Variants in ERVK3-1 observed in about 807,000 individuals in gnomAD.
ERVK3-1 encodes endogenous retrovirus group K3 member 1.
At position 58,313,074 on chromosome 19, in the gene ERVK3-1, T is replaced by C. The variant is rs1009990643; in HGVS notation, c.294+612T>C. 5 of 152,244 alleles carry C rather than the reference T, an allele frequency of 3.3e-5. No homozygotes were observed. Among genetic ancestry groups the C allele is most frequent in the African/African-American group, 1.2e-4 (5 of 41,452 alleles). The allele number at this position is 152,244 out of a possible 1,614,324, so 9.4% of individuals were successfully genotyped here. ...AGTTGGCTGCACAACTTGCTTGGTA[T>C]AGGACAGGCTTTAACCCGCCCTTAC... is the stretch of plus-strand genomic sequence containing the variant. On this transcript the variant is annotated intron_variant, in intron 3 of 3. Coordinates refer to ENST00000413518, the Ensembl canonical transcript of ERVK3-1. This position sits in a 1 kb window ranked among gnomAD's most constrained non-coding sequence, Gnocchi z 4.5.
At chr19:58,316,754 T>C (rs1404929037), downstream of ERVK3-1, among the ~76,000 whole-genome samples, 4 of 152,210 alleles carry the variant, frequency 2.6e-5, no homozygotes, top group African/African-American at 9.7e-5. Flanking sequence ...AAGGTACCTA[T>C]CTAACAAGAG....
Position 58,313,367 on chromosome 19 carries a change from A to G in ERVK3-1, c.294+905A>G, listed in dbSNP as rs1252088006. Among the ~76,000 whole-genome samples, 3 of 152,108 alleles carry G rather than the reference A, an allele frequency of 2.0e-5. No individual in the cohort carries two copies. The highest frequency in any genetic ancestry group is 7.2e-5 in the African/African-American group (3 of 41,398). The stretch of plus-strand genomic sequence containing the variant: ...AGTGGCGCAATCTCGGGTCACTGCA[A>G]CCTTTGCCTCCCGGGTTCAAGCAAT... On this transcript the variant is annotated intron_variant, in intron 3 of 3. Transcript: ENST00000413518. This position sits in a 1 kb window ranked among gnomAD's most constrained non-coding sequence, Gnocchi z 4.5.
At chr19:58,311,973 T>G (rs2051559339) in intron 2 of ERVK3-1, 193 bp from the exon 3 acceptor site, 2 of 386,686 alleles carry the variant, frequency 5.2e-6, no homozygotes, top group Admixed American at 4.5e-5. Context: ...AAAATTACAT[T>G]TAGCCTTGTT....
chr19:58,315,818 C>T (rs1476455695), downstream of ERVK3-1, among the ~76,000 whole-genome samples: 1 of 152,180 alleles, frequency 6.6e-6, no homozygotes, highest in South Asian at 2.1e-4. Context: ...GCTCATTAGC[C>T]ATACTTCATT....
Position 58,305,446 on chromosome 19 carries a change from G to C in ERVK3-1, c.-133+1G>C, listed in dbSNP as rs2147967073. On this transcript the variant is annotated splice_donor_variant, in intron 1 of 3. Transcript: ENST00000413518. LOFTEE classifies it low-confidence loss of function (5UTR_SPLICE). The stretch of plus-strand genomic sequence containing the variant: ...GCTCTCTGAGGAGGCTGCCACAGTG[G>C]TGAGTGGTGTGTGGAGGAGAGGCGA... The C allele has an allele frequency of 6.5e-6, 1 of 152,844 alleles. No individual in the cohort carries two copies. The highest frequency in any genetic ancestry group is 2.4e-5 in the African/African-American group (1 of 41,574). 9.5% of individuals were successfully genotyped at this position (152,844 alleles called of 1,614,324 possible).
chr19:58,305,614 C>CATT, intron 1 of ERVK3-1, among the ~76,000 whole-genome samples, 169 bp downstream of exon 1: 2 of 151,976 alleles, frequency 1.3e-5, no homozygotes, highest in Admixed American at 6.5e-5. Flanking sequence ...GAGGGCGCGA[C>CATT]CTGCCATGTC....
At chr19:58,311,329 A>G (rs1047135106) in intron 2 of ERVK3-1, 1 of 152,120 alleles carries the variant, frequency 6.6e-6, no homozygotes, top group Non-Finnish European at 1.5e-5. Context: ...GCCCCTTTTC[A>G]TATTTCTCAT....
chr19:58,305,596 C>T (rs11881442), intron 1 of ERVK3-1, among the ~76,000 whole-genome samples, 151 bp downstream of exon 1: 1 of 151,872 alleles, frequency 6.6e-6, no homozygotes. Context: ...GAGAGGCGCG[C>T]GGTGCGTGAG....
chr19:58,316,780 C>A (rs1030570205), downstream of ERVK3-1, among the ~76,000 whole-genome samples: 2 of 152,232 alleles, frequency 1.3e-5, no homozygotes, highest in African/African-American at 4.8e-5. Context: ...CATGTCCATA[C>A]ATTTTATTAA....
In ERVK3-1 at chr19:58,312,800, C is replaced by A. The variant is rs1161033607; in HGVS notation, c.294+338C>A. Among the ~76,000 whole-genome samples the A allele has an allele frequency of 1.3e-5, 2 of 152,224 alleles. No individual in the cohort carries two copies. The highest frequency in any genetic ancestry group is 2.4e-5 in the African/African-American group (1 of 41,466). ...TGGCGTGTTCACCAATCACTCCTAG[C>A]CCCATCACTCAAATTGTATGGATTA... is the stretch of plus-strand genomic sequence containing the variant. On this transcript the variant is annotated intron_variant, in intron 3 of 3. Coordinates refer to ENST00000413518, the Ensembl canonical transcript of ERVK3-1. The surrounding 1 kb of genome is among the most constrained non-coding windows in gnomAD (Gnocchi z 4.7).
intron 2 of ERVK3-1, among the ~76,000 whole-genome samples, chr19:58,307,817 CA>C (rs1325396518): frequency 6.6e-6 from 1 of 152,220 alleles, no homozygotes. Context: ...AACCCTGCTA[CA>C]GGGGTGGGTT....
rs1159257161 is a variant in ERVK3-1 at position 58,312,092 on chromosome 19, C to T, written c.-3-74C>T. The T allele has an allele frequency of 7.5e-6, 3 of 399,172 alleles. No individual in the cohort carries two copies. The highest frequency in any genetic ancestry group is 2.1e-5 in the African/African-American group (1 of 48,726). 24.7% of individuals were successfully genotyped at this position (399,172 alleles called of 1,614,324 possible). On this transcript the variant is annotated intron_variant, in intron 2 of 3. Coordinates refer to ENST00000413518, the Ensembl canonical transcript of ERVK3-1. The surrounding 1 kb of genome is among the most constrained non-coding windows in gnomAD (Gnocchi z 4.7). ...TTTATCCAAAAGTGTTATGGAAATC[C>T]CCAGAAGAAGGACAATGGAAAGGTC...
chr19:58,312,515 C>A lies in ERVK3-1; in HGVS notation c.294+53C>A. The A allele has an allele frequency of 2.5e-6, 1 of 399,660 alleles. No individual in the cohort carries two copies. 24.8% of individuals were successfully genotyped at this position (399,660 alleles called of 1,614,324 possible). The stretch of plus-strand genomic sequence containing the variant: ...ACATATTGGGCATATGTTCCTAACC[C>A]ACTGGTAGTACGACTGGTACTCTGG... On this transcript the variant is annotated intron_variant, in intron 3 of 3. Transcript: ENST00000413518. This position sits in a 1 kb window ranked among gnomAD's most constrained non-coding sequence, Gnocchi z 4.7.
chr19:58,312,080 GT>G lies in ERVK3-1; in HGVS notation c.-3-84del. ...AAAAGAGGCAAGTTTATCCAAAAGT[GT>G]TATGGAAATCCCCAGAAGAAGGACA... On this transcript the variant is annotated intron_variant, in intron 2 of 3. Coordinates refer to ENST00000413518, the Ensembl canonical transcript of ERVK3-1. The surrounding 1 kb of genome is among the most constrained non-coding windows in gnomAD (Gnocchi z 4.7). 7.5e-6 allele frequency: 3 copies of G among 398,808 alleles called. No individual in the cohort carries two copies. The South Asian group carries it at 4.2e-4, about 55-fold the overall frequency. The allele number at this position is 398,808 out of a possible 1,614,324, so 24.7% of individuals were successfully genotyped here. A position where few individuals can be genotyped will look rare whatever the true frequency, so the allele number is the denominator to read the frequency against.
chr19:58,307,523 AT>A (rs2051531121), intron 2 of ERVK3-1, among the ~76,000 whole-genome samples: 1 of 151,966 alleles, frequency 6.6e-6, no homozygotes, highest in African/African-American at 2.4e-5. Flanking sequence ...AAGTGGGAAA[AT>A]GTTATAATTG....
At chr19:58,308,462 T>G (rs560024092) in intron 2 of ERVK3-1, among the ~76,000 whole-genome samples, 1 of 152,374 alleles carries the variant, frequency 6.6e-6, no homozygotes, top group South Asian at 2.1e-4. Flanking sequence ...AACCTTATGT[T>G]GCAAATATAC....
rs1055927583 is a variant in ERVK3-1 at position 58,312,141 on chromosome 19, C to T, written c.-3-25C>T. 1 of 400,012 alleles carries T rather than the reference C, an allele frequency of 2.5e-6. No homozygotes were observed. Among genetic ancestry groups the T allele is most frequent in the Non-Finnish European group, 4.4e-6 (1 of 226,092 alleles). The allele number at this position is 400,012 out of a possible 1,614,324, so 24.8% of individuals were successfully genotyped here. A position where few individuals can be genotyped will look rare whatever the true frequency, so the allele number is the denominator to read the frequency against. On this transcript the variant is annotated intron_variant, in intron 2 of 3. Coordinates refer to ENST00000413518, the Ensembl canonical transcript of ERVK3-1. This position sits in a 1 kb window ranked among gnomAD's most constrained non-coding sequence, Gnocchi z 4.7. ...TCCGGTGGATTTGCTGACGTGGGGA[C>T]GAGGGTATGCTTGTGTTTTTACAGG...
chr19:58,313,835 C>G lies in ERVK3-1; in HGVS notation c.295-913C>G, dbSNP rs1568534379. 6.6e-6 allele frequency among the ~76,000 whole-genome samples: 1 copy of G among 152,206 alleles called. No homozygotes were observed. The highest frequency in any genetic ancestry group is 1.5e-5 in the Non-Finnish European group (1 of 68,032). ...ACATTTTGTAAAACTCCTTCTTACC[C>G]AGCTCACTCATCGTGCACGTAAAGC... On this transcript the variant is annotated intron_variant, in intron 3 of 3. Coordinates refer to ENST00000413518, the Ensembl canonical transcript of ERVK3-1. The surrounding 1 kb of genome is among the most constrained non-coding windows in gnomAD (Gnocchi z 4.5).
intron 1 of ERVK3-1, among the ~76,000 whole-genome samples, chr19:58,305,785 C>T (rs1020151898): frequency 1.3e-4 from 20 of 152,190 alleles, no homozygotes; most frequent in African/African-American, 3.6e-4. Context: ...TGACAAACTG[C>T]GTCTGCCGCC....
Sources: allele counts gnomAD v4.1 joint callset (sites outside exome capture counted in the v4.1 genomes callset), GRCh38; gene constraint gnomAD v4.1.1; non-coding constraint Gnocchi (gnomAD v3.1); transcripts MANE v1.5; gene names NCBI Gene and HGNC (gene_info 2026-07-23, HGNC 2026-07-21).